The following ADAM12 variants were observed in gnomAD, a reference collection of about 807,000 sequenced individuals.
ADAM12 encodes ADAM metallopeptidase domain 12.
A neutral mutation model predicts 106.4 loss-of-function variants in ADAM12; 70 were observed. The observed-to-expected ratio is 0.66, with a 90% CI of 0.54 to 0.80. ADAM12 has a LOEUF of 0.80. ADAM12 is among the 30% of genes least tolerant of loss of function. ADAM12 has a pLI of 0.00. For synonymous variants in ADAM12, 420 were observed against 433.5 expected (o/e 0.97, Z 0.39); for missense variants, 1,010 against 1,171.9 (o/e 0.86, Z 2.02).
chr10:126,181,839 C>T (rs929586670), intron 3 of ADAM12, among the ~76,000 whole-genome samples: 5 of 152,136 alleles, frequency 3.3e-5, no homozygotes, highest in Non-Finnish European at 7.3e-5. Flanking sequence ...CCTTCTGGAC[C>T]GACCAATAGC....
intron 3 of ADAM12, among the ~76,000 whole-genome samples, chr10:126,225,531 T>C (rs937220687): frequency 6.6e-6 from 1 of 152,160 alleles, no homozygotes; most frequent in Non-Finnish European, 1.5e-5. Context: ...TTTTTAGCCG[T>C]GAGCCCGACT....
At chr10:126,018,132 C>G (rs1590289095) in intron 22 of ADAM12, among the ~76,000 whole-genome samples, 1 of 152,242 alleles carries the variant, frequency 6.6e-6, no homozygotes, top group African/African-American at 2.4e-5. Flanking sequence ...ACGGGCCAAA[C>G]ATTCTTCCCA....
At position 126,135,190 on chromosome 10, in the gene ADAM12, C is replaced by T. The variant is rs1956382389; in HGVS notation, c.416+394G>A. Among the ~76,000 whole-genome samples the T allele has an allele frequency of 2.0e-5, 3 of 152,226 alleles. No individual in the cohort carries two copies. The South Asian group carries it at 6.2e-4, about 32-fold the overall frequency. ...CTTTGTTTCCTAATGAGAGGAGGCC[C>T]TTTAAGATTTACATTAAGCCAGCAG... On this transcript the variant is annotated intron_variant, in intron 5 of 22. Coordinates refer to ENST00000448723, the MANE Select transcript of ADAM12 (RefSeq NM_001288973.2).
chr10:126,224,801 A>T (rs962606478), intron 3 of ADAM12, among the ~76,000 whole-genome samples: 1 of 152,160 alleles, frequency 6.6e-6, no homozygotes, highest in African/African-American at 2.4e-5. Flanking sequence ...GACACAGGAG[A>T]GGGGCGTGTC....
chr10:126,035,768 G>C lies in ADAM12; in HGVS notation c.2529+378C>G, dbSNP rs571657541. On this transcript the variant is annotated intron_variant, in intron 21 of 22. Coordinates refer to ENST00000448723, the MANE Select transcript of ADAM12 (RefSeq NM_001288973.2). ...AAATAATTTTGAAATAAAATGATGA[G>C]AGAGTATAACTGATGCTTCTTAGGG... 3.6e-4 allele frequency among the ~76,000 whole-genome samples: 55 copies of C among 152,282 alleles called. No individual in the cohort carries two copies. The South Asian group carries it at 4.4e-3, about 12-fold the overall frequency.
chr10:126,383,043 CAA>C (rs925754619), intron 1 of ADAM12, among the ~76,000 whole-genome samples: 1 of 152,176 alleles, frequency 6.6e-6, no homozygotes, highest in African/African-American at 2.4e-5. Flanking sequence ...CTCCTGGACT[CAA>C]GTGATCCTCC....
intron 1 of ADAM12, among the ~76,000 whole-genome samples, chr10:126,362,786 G>A (rs1255179383): frequency 2.6e-5 from 4 of 152,132 alleles, no homozygotes; most frequent in African/African-American, 9.7e-5. Flanking sequence ...TCTGGGGATG[G>A]GGGAAATGAG....
chr10:126,088,373 CAG>C (rs1260944721), intron 11 of ADAM12, among the ~76,000 whole-genome samples: 4 of 152,142 alleles, frequency 2.6e-5, no homozygotes, highest in African/African-American at 9.6e-5. Flanking sequence ...TGTCCTGAGT[CAG>C]GGGCAGGGCT....
At chr10:126,301,411 G>A (rs1404559150) in intron 2 of ADAM12, among the ~76,000 whole-genome samples, 2 of 152,140 alleles carry the variant, frequency 1.3e-5, no homozygotes, top group Non-Finnish European at 2.9e-5. Flanking sequence ...TCTATGTCAG[G>A]GTGAGCATAG....
intron 1 of ADAM12, among the ~76,000 whole-genome samples, chr10:126,377,094 G>A (rs1856320210): frequency 6.6e-6 from 1 of 152,218 alleles, no homozygotes; most frequent in African/African-American, 2.4e-5. Context: ...ACCTAGGAAA[G>A]TCTGGGCACA....
intron 1 of ADAM12, among the ~76,000 whole-genome samples, chr10:126,379,945 T>C (rs994332103): frequency 6.6e-6 from 1 of 152,198 alleles, no homozygotes; most frequent in Non-Finnish European, 1.5e-5. Flanking sequence ...TGTTTCAACA[T>C]TTCTAAGAAT....
chr10:126,065,165 G>T (rs528664058), intron 13 of ADAM12, among the ~76,000 whole-genome samples, 164 bp from the exon 14 acceptor site: 12 of 152,328 alleles, frequency 7.9e-5, no homozygotes, highest in African/African-American at 2.9e-4. Flanking sequence ...TAAATCATCA[G>T]ATTCTCGTTC....
At chr10:126,366,834 G>A (rs1273129674) in intron 1 of ADAM12, among the ~76,000 whole-genome samples, 1 of 152,126 alleles carries the variant, frequency 6.6e-6, no homozygotes, top group Non-Finnish European at 1.5e-5. Flanking sequence ...CAGAGATAAA[G>A]AGGAAATTTC....
intron 1 of ADAM12, among the ~76,000 whole-genome samples, chr10:126,345,701 G>A (rs1423847029): frequency 1.3e-5 from 2 of 152,140 alleles, no homozygotes; most frequent in Non-Finnish European, 2.9e-5. Context: ...CAATTTCAGA[G>A]CCTGTTATTG....
At chr10:126,298,920 T>G (rs1960494406) in intron 2 of ADAM12, among the ~76,000 whole-genome samples, 1 of 152,204 alleles carries the variant, frequency 6.6e-6, no homozygotes, top group African/African-American at 2.4e-5. Context: ...TGAAATATTC[T>G]TAACATTAAA....
intron 11 of ADAM12, among the ~76,000 whole-genome samples, chr10:126,081,773 G>T (rs1168505593): frequency 1.3e-5 from 2 of 152,200 alleles, no homozygotes; most frequent in Non-Finnish European, 2.9e-5. Flanking sequence ...TGAAATGCTA[G>T]CTCCTAGTAC....
At chr10:126,293,767 C>T (rs1369320306) in intron 2 of ADAM12, among the ~76,000 whole-genome samples, 1 of 152,124 alleles carries the variant, frequency 6.6e-6, no homozygotes, top group Non-Finnish European at 1.5e-5. Context: ...GTGACCCACC[C>T]ACCTCGGCCT....
intron 11 of ADAM12, among the ~76,000 whole-genome samples, chr10:126,090,252 C>G (rs1159012817): frequency 3.3e-5 from 5 of 150,520 alleles, no homozygotes; most frequent in Admixed American, 3.3e-4. Flanking sequence ...TGCAGATTCA[C>G]CTACCCCACC....
intron 2 of ADAM12, among the ~76,000 whole-genome samples, chr10:126,300,695 T>C (rs772134051): frequency 6.6e-6 from 1 of 152,076 alleles, no homozygotes; most frequent in African/African-American, 2.4e-5. Context: ...TTTTAATTAA[T>C]AGGAAACACA....
Sources: allele counts gnomAD v4.1 joint callset (sites outside exome capture counted in the v4.1 genomes callset), GRCh38; gene constraint gnomAD v4.1.1; transcripts MANE v1.5; gene names NCBI Gene and HGNC (gene_info 2026-07-23, HGNC 2026-07-21).